Variants in EML1 observed in about 807,000 individuals in gnomAD.
EML1 encodes echinoderm microtubule-associated protein-like 1.
In EML1, 27 loss-of-function variants were observed where a neutral mutation model predicts 110.4. The observed-to-expected ratio is 0.24, with a 90% CI of 0.18 to 0.34. EML1 has a LOEUF of 0.34. Among genes scored for constraint, EML1 ranks in the 10% least tolerant of loss-of-function variants. EML1 has a pLI of 1.00. For missense variants in EML1, 741 were observed against 1,030.9 expected (o/e 0.72, Z 3.85); for synonymous variants, 344 against 385.8 (o/e 0.89, Z 1.27).
chr14:99,863,389 A>G (rs748567650), intron 2 of EML1, among the ~76,000 whole-genome samples: 1 of 152,132 alleles, frequency 6.6e-6, no homozygotes, highest in Non-Finnish European at 1.5e-5. Context: ...GCATACTTCA[A>G]GGTTCACTCT....
chr14:99,892,221 A>G (rs931508005), intron 5 of EML1: 14 of 984,886 alleles, frequency 1.4e-5, no homozygotes, highest in African/African-American at 1.7e-5. Context: ...GAAACCTCAT[A>G]GCTCTCTGAG....
rs375531576 is a variant in EML1, at chr14:99,936,163, C to T, written c.2007+37C>T. 229 of 1,612,788 alleles carry T rather than the reference C, an allele frequency of 1.4e-4. No homozygotes were observed. The highest frequency in any genetic ancestry group is 1.9e-4 in the Non-Finnish European group (220 of 1,178,940). ...CAGTGGACCTGTCGCTTCTCATGCA[C>T]TGCGTATAGTTTAACTACCGTGGAA... On this transcript the variant is annotated intron_variant, in intron 18 of 21. Coordinates refer to ENST00000262233, the MANE Select transcript of EML1 (RefSeq NM_004434.3). The surrounding 1 kb of genome is among the most constrained non-coding windows in gnomAD (Gnocchi z 5.5).
intron 1 of EML1, among the ~76,000 whole-genome samples, chr14:99,802,209 A>G (rs2057894039): frequency 6.6e-6 from 1 of 151,854 alleles, no homozygotes; most frequent in South Asian, 2.1e-4. Context: ...GAACTGAAAG[A>G]AGGTTGCCTG....
At chr14:99,761,149 G>A (rs2057309901) in intron 1 of EML1, among the ~76,000 whole-genome samples, 3 of 152,170 alleles carry the variant, frequency 2.0e-5, no homozygotes, top group Non-Finnish European at 4.4e-5. Context: ...AGAAAACTGA[G>A]GCTCAGGGAA....
chr14:99,800,589 C>G (rs1015005146), intron 1 of EML1, among the ~76,000 whole-genome samples: 9 of 152,156 alleles, frequency 5.9e-5, no homozygotes, highest in African/African-American at 2.2e-4. Context: ...GTCTTGAACT[C>G]TCCTCAAGAG....
chr14:99,887,188 T>A (rs2059492533), intron 4 of EML1, among the ~76,000 whole-genome samples: 1 of 152,202 alleles, frequency 6.6e-6, no homozygotes, highest in African/African-American at 2.4e-5. Context: ...TCATCCTCCG[T>A]TGAGTCTCCA....
intron 1 of EML1, among the ~76,000 whole-genome samples, chr14:99,738,048 C>T (rs1255430760): frequency 6.6e-6 from 1 of 152,202 alleles, no homozygotes; most frequent in African/African-American, 2.4e-5. Context: ...CTGGGTTCCG[C>T]CACACCCCCT....
intron 1 of EML1, among the ~76,000 whole-genome samples, chr14:99,776,292 C>T (rs564362220): frequency 2.6e-5 from 4 of 152,210 alleles, no homozygotes; most frequent in East Asian, 3.9e-4. Flanking sequence ...CCTGAGGGGT[C>T]GGGAGCTCGA....
At chr14:99,917,933 C>T (rs1174272280) in intron 16 of EML1, 84 bp downstream of exon 16, 21 of 1,384,810 alleles carry the variant, frequency 1.5e-5, no homozygotes, top group Admixed American at 5.4e-5. Context: ...AACAGGCCCC[C>T]GTTCAGCTCT....
rs541637194 is a variant in EML1, at chr14:99,775,804, G to A, written c.-27+1791G>A. 9.2e-5 allele frequency among the ~76,000 whole-genome samples: 14 copies of A among 152,228 alleles called. No individual in the cohort carries two copies. The South Asian group carries it at 2.5e-3, about 27-fold the overall frequency. ...ATGCATATAACTTATTAGCCTCTCC[G>A]CTCCTTTGTGTAATGGCAGTATTGG... On this transcript the variant is annotated intron_variant, in intron 1 of 22. Coordinates refer to the EML1 transcript ENST00000327921.
intron 1 of EML1, among the ~76,000 whole-genome samples, chr14:99,799,863 C>G (rs1212811472): frequency 6.6e-6 from 1 of 152,080 alleles, no homozygotes; most frequent in African/African-American, 2.4e-5. Flanking sequence ...AAACTAGTAG[C>G]GTGAAAACCT....
chr14:99,906,490 G>A (rs560535488), intron 9 of EML1, among the ~76,000 whole-genome samples: 9 of 152,272 alleles, frequency 5.9e-5, no homozygotes, highest in African/African-American at 2.2e-4. Context: ...TCATGGTGCT[G>A]GTGGGAGTGT....
At chr14:99,815,645 A>G (rs963923181) in intron 1 of EML1, among the ~76,000 whole-genome samples, 1 of 152,210 alleles carries the variant, frequency 6.6e-6, no homozygotes, top group Non-Finnish European at 1.5e-5. Context: ...GCTCTTTGTA[A>G]ATACTTTCTG....
In EML1 at chr14:99,936,942, C is replaced by G. The variant is rs895051245; in HGVS notation, c.2095+608C>G. On this transcript the variant is annotated intron_variant, in intron 19 of 21. Coordinates refer to ENST00000262233, the MANE Select transcript of EML1 (RefSeq NM_004434.3). This position sits in a 1 kb window ranked among gnomAD's most constrained non-coding sequence, Gnocchi z 5.5. Reference sequence around the variant, plus strand: ...CCACTCTGGGCCACGCAGGGCGGCGCGTGGGCACAAGGAAGGCCTCGCTGC... The same window carrying G: ...CCACTCTGGGCCACGCAGGGCGGCGGGTGGGCACAAGGAAGGCCTCGCTGC... Among the ~76,000 whole-genome samples, 1 of 152,350 alleles carries G rather than the reference C, an allele frequency of 6.6e-6. No homozygotes were observed. The highest frequency in any genetic ancestry group is 1.9e-4 in the East Asian group (1 of 5,176).
Position 99,905,525 on chromosome 14 carries a change from C to T in EML1, c.1009-2113C>T, listed in dbSNP as rs2140033268. On this transcript the variant is annotated intron_variant, in intron 9 of 21. Coordinates refer to ENST00000262233, the MANE Select transcript of EML1 (RefSeq NM_004434.3). This position sits in a 1 kb window ranked among gnomAD's most constrained non-coding sequence, Gnocchi z 4.1. ...CAGTGACACTGAAAAGTTCAGGTGG[C>T]TGCCTGTTGATAACGAAGGGATCTT... is the stretch of plus-strand genomic sequence containing the variant. Among the ~76,000 whole-genome samples the T allele has an allele frequency of 6.6e-6, 1 of 152,344 alleles. No homozygotes were observed. The highest frequency in any genetic ancestry group is 2.1e-4 in the South Asian group (1 of 4,834).
chr14:99,900,835 C>A, intron 8 of EML1, 94 bp from the exon 9 acceptor site: 1 of 1,053,082 alleles, frequency 9.5e-7, no homozygotes, highest in South Asian at 1.4e-5. Context: ...TTGACAAAGT[C>A]CGAGTTACTG....
chr14:99,766,690 A>C (rs963268636), intron 1 of EML1, among the ~76,000 whole-genome samples: 1 of 152,220 alleles, frequency 6.6e-6, no homozygotes, highest in Non-Finnish European at 1.5e-5. Context: ...TTTCTCTTGG[A>C]AAATGTTAAA....
intron 2 of EML1, among the ~76,000 whole-genome samples, chr14:99,857,019 C>T (rs1483929768): frequency 6.6e-6 from 1 of 152,166 alleles, no homozygotes; most frequent in Non-Finnish European, 1.5e-5. Context: ...TGCCTGTAAT[C>T]CCAGCACTTT....
At chr14:99,771,483 C>T (rs1232635335), upstream of EML1, among the ~76,000 whole-genome samples, 2 of 152,226 alleles carry the variant, frequency 1.3e-5, no homozygotes, top group Non-Finnish European at 2.9e-5. Flanking sequence ...AGCTGAGAGA[C>T]ATGTGGATTG....
Sources: gnomAD v4.1 joint callset for allele counts (sites outside exome capture counted in the v4.1 genomes callset) on GRCh38, gnomAD v4.1.1 for gene constraint, Gnocchi (gnomAD v3.1) non-coding constraint, MANE v1.5 for transcripts, NCBI Gene and HGNC (gene_info 2026-07-23, HGNC 2026-07-21) for gene names.